TRMT1L: variants seen among roughly 807,000 people sequenced by gnomAD.
TRMT1L encodes the protein tRNA methyltransferase 1L.
A neutral mutation model predicts 81.6 loss-of-function variants in TRMT1L; 28 were observed. That is an observed-to-expected ratio of 0.34 (90% CI 0.25 to 0.47). The LOEUF is 0.47. TRMT1L is among the 20% of genes least tolerant of loss of function. The pLI, the probability that TRMT1L is intolerant of heterozygous loss-of-function variation, is 1.00. For synonymous variants in TRMT1L, 301 were observed against 303.2 expected, an observed-to-expected ratio of 0.99 and a Z score of 0.07; for missense variants, 739 against 877.1, an observed-to-expected ratio of 0.84 and a Z score of 1.99.
chr1:185,135,820 T>C, intron 10 of TRMT1L, among the ~76,000 whole-genome samples: 1 of 151,868 alleles, frequency 6.6e-6, no homozygotes, highest in African/African-American at 2.4e-5. Flanking sequence ...TACCATCTCA[T>C]GAAACAAGAA....
At chr1:185,125,779 A>T (rs1322221222) in intron 11 of TRMT1L, among the ~76,000 whole-genome samples, 1 of 152,234 alleles carries the variant, frequency 6.6e-6, no homozygotes, top group Non-Finnish European at 1.5e-5. Flanking sequence ...ACCAAAATAT[A>T]ATATACAATG....
chr1:185,136,906 C>T (rs1174576224), intron 10 of TRMT1L, among the ~76,000 whole-genome samples: 1 of 151,798 alleles, frequency 6.6e-6, no homozygotes, highest in Non-Finnish European at 1.5e-5. Flanking sequence ...TTGAATAATC[C>T]AGGAATAGGA....
At chr1:185,144,908 GT>G (rs922447161) in intron 5 of TRMT1L, among the ~76,000 whole-genome samples, 29 of 146,732 alleles carry the variant, frequency 2.0e-4, no homozygotes, top group African/African-American at 7.0e-4. Context: ...TTCAGTGACT[GT>G]TTTTTTTTTC....
intron 10 of TRMT1L, among the ~76,000 whole-genome samples, chr1:185,132,477 C>T (rs188623640): frequency 2.6e-5 from 4 of 151,550 alleles, no homozygotes; most frequent in African/African-American, 7.3e-5. Context: ...TGATATCATG[C>T]CACTGCACTC....
At chr1:185,155,310 G>C (rs527918593) in intron 1 of TRMT1L, among the ~76,000 whole-genome samples, 1 of 152,304 alleles carries the variant, frequency 6.6e-6, no homozygotes, top group South Asian at 2.1e-4. Flanking sequence ...GGCTACTTAG[G>C]AGGGTGGAAC....
At chr1:185,126,522 T>G (rs1652633296) in intron 11 of TRMT1L, among the ~76,000 whole-genome samples, 1 of 152,148 alleles carries the variant, frequency 6.6e-6, no homozygotes, top group Admixed American at 6.6e-5. Flanking sequence ...GGTTAGCAAA[T>G]ATATATGAAA....
chr1:185,137,607 T>G lies in TRMT1L; in HGVS notation c.1512A>C (p.Glu504Asp), dbSNP rs1168317261. The change falls in exon 10 of 15, where the codon GAA (glutamate) becomes GAC (aspartate). Residue 504 changes from glutamate (E) to aspartate (D), a missense_variant and splice_region_variant. By Grantham distance (45) the Glu-to-Asp change is conservative (BLOSUM62 2). This residue lies in a region of TRMT1L where 331 missense variants were observed against 462.2 expected (regional missense o/e 0.72). Transcript: ENST00000367506. ...RIFQKDGNMV[E>D]ENPYRQLPCN... ...ACATAATATATAACTTGAATTTACC[T>G]TCTACCATATTACCATCCTTCTGAA... The G allele has an allele frequency of 6.8e-6, 11 of 1,613,190 alleles. No individual in the cohort carries two copies. The highest frequency in any genetic ancestry group is 9.3e-6 in the Non-Finnish European group (11 of 1,179,612).
intron 11 of TRMT1L, among the ~76,000 whole-genome samples, chr1:185,125,393 C>T (rs187699870): frequency 5.9e-5 from 9 of 152,226 alleles, no homozygotes; most frequent in African/African-American, 1.9e-4. Context: ...TCTCAAACTA[C>T]TGGGCTCAAG....
chr1:185,150,301 C>A, intron 3 of TRMT1L, 78 bp downstream of exon 3: 2 of 951,648 alleles, frequency 2.1e-6, no homozygotes, highest in South Asian at 1.5e-5. Flanking sequence ...TGATTATACT[C>A]ATGATAAAAA....
chr1:185,149,331 G>T, intron 3 of TRMT1L, among the ~76,000 whole-genome samples: 1 of 145,874 alleles, frequency 6.9e-6, no homozygotes, highest in Middle Eastern at 3.5e-3. Context: ...AAGAAACAGA[G>T]TCTCACTCTG....
chr1:185,147,797 A>T (rs1220434998), intron 3 of TRMT1L, among the ~76,000 whole-genome samples: 1 of 152,094 alleles, frequency 6.6e-6, no homozygotes, highest in Non-Finnish European at 1.5e-5. Flanking sequence ...CTCCTTTCAC[A>T]ATTCCAATTA....
Position 185,139,375 on chromosome 1 carries a change from T to C in TRMT1L, c.1314A>G (p.Ala438=), listed in dbSNP as rs1282773528. 2 of 1,613,026 alleles carry C rather than the reference T, an allele frequency of 1.2e-6. No homozygotes were observed. Among genetic ancestry groups the C allele is most frequent in the Non-Finnish European group, 8.5e-7 (1 of 1,179,394 alleles). Residue 438 remains alanine (A), a synonymous_variant, in exon 9 of 15, where the codon GCA becomes GCG. Coordinates refer to ENST00000367506, the MANE Select transcript of TRMT1L (RefSeq NM_030934.5). ...TGTTGGCAATTTGGTACCTTGCCAC[T>C]GCAGCTACAACAATTCTGGCTGCTA... ...KELAARIVVA[A]VARAAARCNK...
chr1:185,137,325 TTA>T, intron 10 of TRMT1L: 1 of 460,684 alleles, frequency 2.2e-6, no homozygotes. Context: ...GTAATCTGAC[TTA>T]TGTTCCTAAA....
intron 1 of TRMT1L, among the ~76,000 whole-genome samples, chr1:185,154,520 T>C (rs1379679910): frequency 6.6e-6 from 1 of 152,240 alleles, no homozygotes; most frequent in Non-Finnish European, 1.5e-5. Context: ...AATGAATCCA[T>C]GTGTACAAAC....
rs1395001919 is a variant in TRMT1L at position 185,118,422 on chromosome 1, T to C, written c.*1597A>G. 1 of 152,190 alleles carries C rather than the reference T, an allele frequency of 6.6e-6. No individual in the cohort carries two copies. The highest frequency in any genetic ancestry group is 1.5e-5 in the Non-Finnish European group (1 of 68,016). The allele number at this position is 152,190 out of a possible 1,614,324, so 9.4% of individuals were successfully genotyped here. On this transcript the variant is annotated 3_prime_UTR_variant, in exon 15 of 15. Coordinates refer to ENST00000367506, the MANE Select transcript of TRMT1L (RefSeq NM_030934.5). The stretch of plus-strand genomic sequence containing the variant: ...AAGCCCAACTCATCACTGATCAACA[T>C]ATTTCATGCTGATAAGCATTTAGCA...
rs1256457842 is a variant in TRMT1L, at chr1:185,143,489, A to AT, written c.780-54dup. On this transcript the variant is annotated intron_variant, in intron 6 of 14. Coordinates refer to ENST00000367506, the MANE Select transcript of TRMT1L (RefSeq NM_030934.5). Reference sequence around the variant, plus strand: ...CTTTACCATGGCTTCACCATCATAGATTTTATTTCATTTAAGAATAGTGAA... The same window carrying AT: ...CTTTACCATGGCTTCACCATCATAGATTTTTATTTCATTTAAGAATAGTGAA... The AT allele has an allele frequency of 1.9e-5, 28 of 1,489,456 alleles. No homozygotes were observed. The African/African-American group carries it at 3.2e-4, about 17-fold the overall frequency. 92.3% of individuals were successfully genotyped at this position (1,489,456 alleles called of 1,614,324 possible). A position where few individuals can be genotyped will look rare whatever the true frequency, so the allele number is the denominator to read the frequency against.
intron 11 of TRMT1L, among the ~76,000 whole-genome samples, chr1:185,127,381 AG>A (rs1394243866): frequency 6.6e-6 from 1 of 151,886 alleles, no homozygotes; most frequent in Non-Finnish European, 1.5e-5. Flanking sequence ...TAGGTTTAGT[AG>A]GTGCTTAAGC....
Position 185,120,030 on chromosome 1 carries a change from T to C in TRMT1L, c.2191A>G (p.Arg731Gly), listed in dbSNP as rs1652458410. 1 of 1,613,648 alleles carries C rather than the reference T, an allele frequency of 6.2e-7. No homozygotes were observed. The highest frequency in any genetic ancestry group is 2.2e-5 in the East Asian group (1 of 44,880). The change falls in exon 15 of 15, where the codon AGA becomes GGA. Residue 731 changes from arginine to glycine, a missense_variant. Arg to Gly is a moderately radical substitution (Grantham distance 125). This residue lies in a region of TRMT1L where 196 missense variants were observed against 232.6 expected (regional missense o/e 0.84). Transcript: ENST00000367506. ...ATTCTTCTCTACGTTTACCATCTTC[T>C]GCAGCCACTTGCTTCTGCTTTGTCA... ...VNDKAEASGC[R>G]RW
Position 185,144,022 on chromosome 1 carries a change from A to C in TRMT1L, c.663T>G (p.Thr221=). 2 of 1,591,372 alleles carry C rather than the reference A, an allele frequency of 1.3e-6. No homozygotes were observed. The highest frequency in any genetic ancestry group is 8.6e-7 in the Non-Finnish European group (1 of 1,169,240). The change falls in exon 6 of 15, where the codon ACT becomes ACG. Residue 221 remains threonine, a synonymous_variant. Coordinates refer to ENST00000367506, the MANE Select transcript of TRMT1L (RefSeq NM_030934.5). The part of the protein sequence containing the change: ...ETKSSYIAAS[T]AKPPKEILKE... ...TCAAAATTTCCTTAGGTGGTTTAGC[A>C]GTGGAAGCTAAGATGGAAAAAAGAA...
Sources: gnomAD v4.1 joint callset for allele counts (sites outside exome capture counted in the v4.1 genomes callset) on GRCh38, gnomAD v4.1.1 for gene constraint, gnomAD v4.1.1 regional missense constraint, MANE v1.5 for transcripts, NCBI Gene and HGNC (gene_info 2026-07-23, HGNC 2026-07-21) for gene names.